Variants in ME3 observed in about 807,000 individuals in gnomAD.
The protein encoded by ME3 is malic enzyme 3, also known as NADP-dependent malic enzyme, mitochondrial.
ME3 carries 48 observed loss-of-function variants against 68.9 expected under a neutral mutation model. The ratio of observed to expected loss-of-function variants is 0.70; its 90% confidence interval spans 0.55 to 0.89. The LOEUF (loss-of-function observed/expected upper bound fraction) is 0.89, where lower values mean the gene tolerates loss of function less well. Among genes scored for constraint, ME3 ranks in the 40% least tolerant of loss-of-function variants. The pLI, the probability that ME3 is intolerant of heterozygous loss-of-function variation, is 0.00. For synonymous variants in ME3, 320 were observed against 318.8 expected (o/e 1.00, Z -0.04); for missense variants, 675 against 797.4 (o/e 0.85, Z 1.85).
downstream of ME3, among the ~76,000 whole-genome samples, chr11:86,440,652 C>T (rs1366745463): frequency 2.0e-5 from 3 of 152,144 alleles, no homozygotes; most frequent in South Asian, 2.1e-4. Flanking sequence ...AGCGAGCTGC[C>T]GTTAGCCACT....
intron 2 of ME3, among the ~76,000 whole-genome samples, chr11:86,634,690 GT>G (rs11355612): frequency 0.57 from 86,124 of 152,012 alleles, 26,134 homozygotes; most frequent in East Asian, 0.92. Flanking sequence ...GGTCTTTTGT[GT>G]TTTTTTTTGT....
chr11:86,603,909 C>A (rs1260993324), intron 2 of ME3, among the ~76,000 whole-genome samples: 5 of 124,984 alleles, frequency 4.0e-5, no homozygotes, highest in Non-Finnish European at 7.8e-5. Context: ...AACACATGGA[C>A]ACAGGAAGGG....
intron 2 of ME3, among the ~76,000 whole-genome samples, chr11:86,640,381 C>T (rs75218247): frequency 6.6e-6 from 1 of 152,210 alleles, no homozygotes; most frequent in Admixed American, 6.5e-5. Context: ...CTCAGTGACC[C>T]TGAAGTGCTT....
chr11:86,543,780 G>A (rs1423522259), intron 4 of ME3, among the ~76,000 whole-genome samples: 1 of 152,172 alleles, frequency 6.6e-6, no homozygotes, highest in African/African-American at 2.4e-5. Flanking sequence ...TTCCGAACTT[G>A]AACTCAGCTC....
At chr11:86,547,207 T>G (rs748502315) in intron 4 of ME3, among the ~76,000 whole-genome samples, 1 of 114,768 alleles carries the variant, frequency 8.7e-6, no homozygotes, top group Non-Finnish European at 1.6e-5. Flanking sequence ...CACTGCACAC[T>G]CCAGCCTGGG....
At chr11:86,640,262 A>T (rs17149234) in intron 2 of ME3, among the ~76,000 whole-genome samples, 14,390 of 152,258 alleles carry the variant, frequency 0.095, 699 homozygotes, top group South Asian at 0.13. Flanking sequence ...CTTGGTGAAG[A>T]TCCACAGAAC....
At chr11:86,549,069 T>C (rs1956530616) in intron 4 of ME3, among the ~76,000 whole-genome samples, 2 of 152,238 alleles carry the variant, frequency 1.3e-5, no homozygotes, top group South Asian at 4.1e-4. Flanking sequence ...TCCAGGTGAT[T>C]TTAATGCTCA....
At chr11:86,513,692 G>A (rs1193705547) in intron 4 of ME3, among the ~76,000 whole-genome samples, 1 of 152,150 alleles carries the variant, frequency 6.6e-6, no homozygotes, top group South Asian at 2.1e-4. Flanking sequence ...AATGTGCGGG[G>A]CTAGGGATTA....
Position 86,589,690 on chromosome 11 carries a change from A to G in ME3, c.184-29867T>C, listed in dbSNP as rs1312702218. Reference sequence around the variant, plus strand: ...TTATTGGGCTAGATTTTTTTCCCCCACTTAGGTCTCTTCCAACTGGGATGT... The same window carrying G: ...TTATTGGGCTAGATTTTTTTCCCCCGCTTAGGTCTCTTCCAACTGGGATGT... On this transcript the variant is annotated intron_variant, in intron 2 of 14. Transcript: ENST00000543262. Among the ~76,000 whole-genome samples the G allele has an allele frequency of 2.0e-5, 3 of 152,136 alleles. No individual in the cohort carries two copies. In the East Asian group the frequency reaches 5.8e-4, roughly 29 times the overall value.
At chr11:86,453,407 T>C (rs1949745797) in intron 8 of ME3, among the ~76,000 whole-genome samples, 1 of 152,188 alleles carries the variant, frequency 6.6e-6, no homozygotes, top group African/African-American at 2.4e-5. Flanking sequence ...GTTTATTAGC[T>C]TCTTTACACT....
At chr11:86,659,275 A>G (rs1055821586) in intron 2 of ME3, among the ~76,000 whole-genome samples, 4 of 152,178 alleles carry the variant, frequency 2.6e-5, no homozygotes, top group Non-Finnish European at 4.4e-5. Context: ...TTTTTTATGG[A>G]GAGACTCAAA....
Position 86,597,738 on chromosome 11 carries a change from C to T in ME3, c.184-37915G>A, listed in dbSNP as rs1334405225. 2.0e-5 allele frequency among the ~76,000 whole-genome samples: 3 copies of T among 152,114 alleles called. 1 individual carries two copies. In the South Asian group the frequency reaches 6.2e-4, roughly 32 times the overall value. On this transcript the variant is annotated intron_variant, in intron 2 of 14. Coordinates refer to ENST00000543262, the Ensembl canonical transcript of ME3. ...AAATATGAGTGACCACGGCCCGTGACAGGGCCCTCAGGAGATCCTCACAAC... is the reference window on the plus strand; with the variant it reads ...AAATATGAGTGACCACGGCCCGTGATAGGGCCCTCAGGAGATCCTCACAAC...
At position 86,493,432 on chromosome 11, in the gene ME3, T is replaced by G. The variant is rs565019200; in HGVS notation, c.705+4531A>C. Among the ~76,000 whole-genome samples, 3 of 152,322 alleles carry G rather than the reference T, an allele frequency of 2.0e-5. No homozygotes were observed. The East Asian group carries it at 5.8e-4, about 29-fold the overall frequency. On this transcript the variant is annotated intron_variant, in intron 6 of 14. Transcript: ENST00000543262. ...TCCCCCGGGATTCCCCCACCCTGCC[T>G]TAGCACAGGGTGGGATAACCACTGG...
intron 2 of ME3, among the ~76,000 whole-genome samples, chr11:86,579,881 C>T (rs1361090423): frequency 6.6e-6 from 1 of 152,130 alleles, no homozygotes; most frequent in Non-Finnish European, 1.5e-5. Context: ...GTTTGAATGG[C>T]ATTCCCATTT....
At chr11:86,492,867 T>A (rs1952084012) in intron 6 of ME3, among the ~76,000 whole-genome samples, 1 of 152,208 alleles carries the variant, frequency 6.6e-6, no homozygotes, top group Non-Finnish European at 1.5e-5. Context: ...AAAAAATATT[T>A]ATCTTGCATA....
intron 4 of ME3, among the ~76,000 whole-genome samples, chr11:86,518,025 A>G (rs1264621683): frequency 6.6e-6 from 1 of 152,220 alleles, no homozygotes; most frequent in African/African-American, 2.4e-5. Context: ...TAAATTCTCC[A>G]AAAGCGGTAG....
At chr11:86,591,753 C>T (rs1279039586) in intron 2 of ME3, among the ~76,000 whole-genome samples, 1 of 152,144 alleles carries the variant, frequency 6.6e-6, no homozygotes, top group Non-Finnish European at 1.5e-5. Flanking sequence ...AACAGAGTTT[C>T]TGTGGGGAAA....
chr11:86,594,618 C>T lies in ME3; in HGVS notation c.184-34795G>A, dbSNP rs1042086749. Among the ~76,000 whole-genome samples, 4 of 145,730 alleles carry T rather than the reference C, an allele frequency of 2.7e-5. 1 individual carries two copies. The highest frequency in any genetic ancestry group is 1.0e-4 in the African/African-American group (4 of 39,490). ...CTGAGATGGGAAGATCACTTGAGCC[C>T]GAGAGGTCAACGCTGCAGTGAGCTG... On this transcript the variant is annotated intron_variant, in intron 2 of 14. Coordinates refer to ENST00000543262, the Ensembl canonical transcript of ME3.
At chr11:86,556,746 AGGC>A (rs765811373) in intron 3 of ME3, 44 bp from the exon 4 acceptor site, 42 of 1,596,876 alleles carry the variant, frequency 2.6e-5, no homozygotes, top group Non-Finnish European at 3.4e-5. Context: ...TGGTAGCAGC[AGGC>A]CCTGATGCCT....
Sources: allele counts gnomAD v4.1 joint callset (sites outside exome capture counted in the v4.1 genomes callset), GRCh38; gene constraint gnomAD v4.1.1; transcripts MANE v1.5; gene names NCBI Gene and HGNC (gene_info 2026-07-23, HGNC 2026-07-21).